Variants in MAST1 observed in about 807,000 individuals in gnomAD.
MAST1 encodes the protein microtubule-associated serine/threonine-protein kinase 1.
Under a neutral mutation model 124.6 loss-of-function variants are expected in MAST1, and 40 were observed. The observed-to-expected ratio is 0.32, with a 90% CI of 0.25 to 0.42. The LOEUF is 0.42. MAST1 is among the 10% of genes least tolerant of loss of function. The probability of loss-of-function intolerance (pLI) is 1.00; values close to 1 mark genes in which losing one functional copy is unlikely to be tolerated. For missense variants in MAST1, 1,558 were observed against 2,181.9 expected, an observed-to-expected ratio of 0.71 and a Z score of 5.70; for synonymous variants, 938 against 939.4, an observed-to-expected ratio of 1.00 and a Z score of 0.03.
At position 12,840,897 on chromosome 19, in the gene MAST1, G is replaced by A. The variant is rs563627125; in HGVS notation, c.173-94G>A. ...AAGGGGCGTGGTCTCCCCATAATAGGCGGGACTAGACTAAAGACAGGACAT... is the reference window on the plus strand; with the variant it reads ...AAGGGGCGTGGTCTCCCCATAATAGACGGGACTAGACTAAAGACAGGACAT... On this transcript the variant is annotated intron_variant, in intron 2 of 25. Transcript: ENST00000251472. 51 of 781,586 alleles carry A rather than the reference G, an allele frequency of 6.5e-5. No individual in the cohort carries two copies. In the East Asian group the frequency reaches 1.2e-3, roughly 18 times the overall value. 48.4% of individuals were successfully genotyped at this position (781,586 alleles called of 1,614,324 possible).
At chr19:12,868,467 A>G (rs1970190768) in intron 20 of MAST1, 176 bp from the exon 21 acceptor site, 3 of 574,020 alleles carry the variant, frequency 5.2e-6, no homozygotes, top group Non-Finnish European at 9.1e-6. Context: ...AGTGATACAG[A>G]CCGATACAGA....
Position 12,873,730 on chromosome 19 carries a change from C to T in MAST1, c.3573C>T (p.Tyr1191=), listed in dbSNP as rs768290853. 6.2e-7 allele frequency: 1 copy of T among 1,602,392 alleles called. No homozygotes were observed. The highest frequency in any genetic ancestry group is 2.2e-5 in the East Asian group (1 of 44,808). ...HGLSPKLHRQ[Y]RSARCKSAGN... Reference sequence around the variant, plus strand: ...TGTCGCCAAAGCTCCATCGCCAGTACCGCTCTGCGCGATGCAAGTCGGCCG... The same window carrying T: ...TGTCGCCAAAGCTCCATCGCCAGTATCGCTCTGCGCGATGCAAGTCGGCCG... The change falls in exon 26 of 26, where the codon TAC becomes TAT. Residue 1191 remains tyrosine (Y), a synonymous_variant. Transcript: ENST00000251472.
intron 12 of MAST1, among the ~76,000 whole-genome samples, chr19:12,862,114 C>T (rs561112548): frequency 2.4e-4 from 37 of 151,484 alleles, no homozygotes; most frequent in Admixed American, 1.7e-3. Flanking sequence ...AAGTGATTCT[C>T]CTGCCTCAGT....
Position 12,874,156 on chromosome 19 carries a change from A to G in MAST1, c.3999A>G (p.Arg1333=). ...AGGTCGCCGTCCGCCGCCTGGGCCG[A>G]CAGGAGTCACCTTTGAGCCTGGGCG... The part of the protein sequence containing the change: ...PRQVAVRRLG[R]QESPLSLGAD... Residue 1333 remains arginine, a synonymous_variant, in exon 26 of 26, where the codon CGA becomes CGG. Coordinates refer to ENST00000251472, the MANE Select transcript of MAST1 (RefSeq NM_014975.3). This position sits in a 1 kb window ranked among gnomAD's most constrained non-coding sequence, Gnocchi z 6.6. 6.5e-7 allele frequency: 1 copy of G among 1,540,906 alleles called. No homozygotes were observed. The highest frequency in any genetic ancestry group is 1.2e-5 in the South Asian group (1 of 84,224).
At chr19:12,840,382 G>T in intron 1 of MAST1, 64 bp from the exon 2 acceptor site, 1 of 1,020,570 alleles carries the variant, frequency 9.8e-7, no homozygotes, top group Non-Finnish European at 1.5e-6. Flanking sequence ...AGGTCAGCTG[G>T]TGGGGCTCAA....
chr19:12,848,176 C>G (rs1324553847), intron 7 of MAST1, 119 bp downstream of exon 7: 4 of 935,118 alleles, frequency 4.3e-6, no homozygotes, highest in South Asian at 3.2e-5. Flanking sequence ...CAGGCACTGG[C>G]GTGGAGCTGA....
At position 12,865,703 on chromosome 19, in the gene MAST1, G is replaced by A. The variant is rs1568413436; in HGVS notation, c.1805-14G>A. On this transcript the variant is annotated splice_polypyrimidine_tract_variant and intron_variant, in intron 15 of 25. Coordinates refer to ENST00000251472, the MANE Select transcript of MAST1 (RefSeq NM_014975.3). The surrounding 1 kb of genome is among the most constrained non-coding windows in gnomAD (Gnocchi z 7.1). ...ACAACAAAAACCGCCCCTAAGTTCC[G>A]TTTTGTTTTGCAGATGACATCCTGT... 2 of 1,599,604 alleles carry A rather than the reference G, an allele frequency of 1.3e-6. No homozygotes were observed. The highest frequency in any genetic ancestry group is 1.1e-5 in the South Asian group (1 of 89,690).
In MAST1 at chr19:12,866,217, G is replaced by A; in HGVS notation, c.2029+115G>A. ...GCTAAGTACCAAGATGTGATGCCTA[G>A]GTGCGAAGGTGGTATTTTGGTGGGG... On this transcript the variant is annotated intron_variant, in intron 17 of 25. Coordinates refer to ENST00000251472, the MANE Select transcript of MAST1 (RefSeq NM_014975.3). This position sits in a 1 kb window ranked among gnomAD's most constrained non-coding sequence, Gnocchi z 5.2. 1 of 1,423,000 alleles carries A rather than the reference G, an allele frequency of 7.0e-7. No individual in the cohort carries two copies. The highest frequency in any genetic ancestry group is 2.2e-4 in the Middle Eastern group (1 of 4,454). 88.1% of individuals were successfully genotyped at this position (1,423,000 alleles called of 1,614,324 possible).
At chr19:12,873,300 C>T (rs1338860878) in intron 24 of MAST1, 24 bp from the exon 25 acceptor site, 6 of 1,604,492 alleles carry the variant, frequency 3.7e-6, no homozygotes, top group East Asian at 2.2e-5. Flanking sequence ...GTCAAGGACG[C>T]TTGGCCCCCT....
At chr19:12,856,577 T>C (rs778616002) in intron 10 of MAST1, among the ~76,000 whole-genome samples, 3 of 152,226 alleles carry the variant, frequency 2.0e-5, no homozygotes, top group Non-Finnish European at 1.5e-5. Context: ...AGTGCTGGGA[T>C]TGCAGGTGTG....
At chr19:12,858,784 C>G (rs749666564) in intron 12 of MAST1, 45 bp downstream of exon 12, 1 of 1,602,960 alleles carries the variant, frequency 6.2e-7, no homozygotes, top group East Asian at 2.2e-5. Flanking sequence ...GCCGTGCTCA[C>G]TGGTCAGGGC....
chr19:12,853,655 G>A (rs933523953), intron 10 of MAST1, among the ~76,000 whole-genome samples: 2 of 152,000 alleles, frequency 1.3e-5, no homozygotes, highest in Non-Finnish European at 2.9e-5. Context: ...ATCACTTGAG[G>A]TCAGGAATTC....
In MAST1 at chr19:12,838,869, A is replaced by T. The variant is rs1295136389; in HGVS notation, c.83+214A>T. Among the ~76,000 whole-genome samples, 1 of 91,168 alleles carries T rather than the reference A, an allele frequency of 1.1e-5. No homozygotes were observed. The highest frequency in any genetic ancestry group is 2.5e-5 in the Non-Finnish European group (1 of 40,340). The allele number at this position is 91,168 out of a possible 152,430, so 59.8% of individuals were successfully genotyped here. On this transcript the variant is annotated intron_variant, in intron 1 of 25. Transcript: ENST00000251472. This position sits in a 1 kb window ranked among gnomAD's most constrained non-coding sequence, Gnocchi z 4.3. ...CGCTGGAGAGGACGGCCGCGGGGGGAGGGGGCTGCGCCACTGGGGGTTTGT... is the reference window on the plus strand; with the variant it reads ...CGCTGGAGAGGACGGCCGCGGGGGGTGGGGGCTGCGCCACTGGGGGTTTGT...
Position 12,868,846 on chromosome 19 carries a change from G to T in MAST1, c.2770G>T (p.Ala924Ser). The T allele has an allele frequency of 6.4e-7, 1 of 1,573,708 alleles. No homozygotes were observed. The highest frequency in any genetic ancestry group is 8.6e-7 in the Non-Finnish European group (1 of 1,156,664). The change falls in exon 21 of 26, where the codon GCA (alanine) becomes TCA (serine). Residue 924 changes from alanine (A) to serine (S), a missense_variant. Coordinates refer to ENST00000251472, the MANE Select transcript of MAST1 (RefSeq NM_014975.3). ...SATALSVMIP[A>S]VDPHGSSPLA... ...CACTGCCTTATCTGTCATGATTCCT[G>T]CAGGTAATGCTGGGCCCCACCTGGC...
intron 10 of MAST1, among the ~76,000 whole-genome samples, chr19:12,853,537 C>G (rs1299803674): frequency 6.6e-6 from 1 of 151,744 alleles, no homozygotes; most frequent in East Asian, 2.0e-4. Flanking sequence ...GCCTGGGCAA[C>G]AGGGTGAGAC....
intron 3 of MAST1, among the ~76,000 whole-genome samples, chr19:12,842,556 A>G (rs1337594200): frequency 6.6e-6 from 1 of 151,988 alleles, no homozygotes; most frequent in African/African-American, 2.4e-5. Context: ...GCCTCCCAAA[A>G]TGCTAGGATT....
chr19:12,867,923 C>T lies in MAST1; in HGVS notation c.2512C>T (p.Pro838Ser). ...DPAGSLDARA[P>S]KEETQGEGTS... ...CGCGGGATCCCTGGATGCACGGGCC[C>T]CCAAAGAGGAGACTCAAGGGGAAGG... The change falls in exon 20 of 26, where the codon CCC becomes TCC. Residue 838 changes from proline to serine, a missense_variant. Coordinates refer to ENST00000251472, the MANE Select transcript of MAST1 (RefSeq NM_014975.3). 1 of 1,595,874 alleles carries T rather than the reference C, an allele frequency of 6.3e-7. No individual in the cohort carries two copies. The highest frequency in any genetic ancestry group is 8.5e-7 in the Non-Finnish European group (1 of 1,172,830).
At position 12,874,743 on chromosome 19, in the gene MAST1, C is replaced by T; in HGVS notation, c.4586C>T (p.Pro1529Leu). Reference protein sequence around the residue: ...APSSAVTPVPPASLLGSGTKP... With the variant: ...APSSAVTPVPLASLLGSGTKP... Reference sequence around the variant, plus strand: ...AGCAGTGCAGTGACCCCAGTCCCACCCGCATCCCTCTTGGGCTCAGGCACC... The same window carrying T: ...AGCAGTGCAGTGACCCCAGTCCCACTCGCATCCCTCTTGGGCTCAGGCACC... The change falls in exon 26 of 26, where the codon CCC becomes CTC. Residue 1529 changes from proline (P) to leucine (L), a missense_variant. Transcript: ENST00000251472. The surrounding 1 kb of genome is among the most constrained non-coding windows in gnomAD (Gnocchi z 6.6). The T allele has an allele frequency of 6.2e-7, 1 of 1,602,664 alleles. No individual in the cohort carries two copies. Among genetic ancestry groups the T allele is most frequent in the East Asian group, 2.2e-5 (1 of 44,466 alleles).
rs746071249 is a variant in MAST1, at chr19:12,871,184, C to T, written c.3263+12C>T. ...GAGGGCCAGGAGAGGTGGGCACAGC[C>T]GTAAACAGCCTGGTCTTTGAGCAGT... On this transcript the variant is annotated intron_variant, in intron 24 of 25. Coordinates refer to ENST00000251472, the MANE Select transcript of MAST1 (RefSeq NM_014975.3). The T allele has an allele frequency of 1.5e-5, 25 of 1,613,674 alleles. No individual in the cohort carries two copies. Among genetic ancestry groups the T allele is most frequent in the African/African-American group, 6.7e-5 (5 of 74,878 alleles).
Sources: gnomAD v4.1 joint callset for allele counts (sites outside exome capture counted in the v4.1 genomes callset) on GRCh38, gnomAD v4.1.1 for gene constraint, Gnocchi (gnomAD v3.1) non-coding constraint, MANE v1.5 for transcripts, NCBI Gene and HGNC (gene_info 2026-07-23, HGNC 2026-07-21) for gene names.